HELZ: variants seen among roughly 807,000 people sequenced by gnomAD.
HELZ encodes ATP-dependent RNA helicase with zinc finger domain.
In HELZ, 23 loss-of-function variants were observed where a neutral mutation model predicts 218.2. The observed-to-expected ratio is 0.11, with a 90% CI of 0.08 to 0.15. HELZ has a LOEUF of 0.15. HELZ is among the 10% of genes least tolerant of loss of function. The pLI is 1.00. For synonymous variants in HELZ, 814 were observed against 829.4 expected (o/e 0.98, Z 0.32); for missense variants, 1,813 against 2,353.7 (o/e 0.77, Z 4.75).
intron 31 of HELZ, 92 bp from the exon 32 acceptor site, chr17:67,087,173 AG>A: frequency 8.2e-7 from 1 of 1,218,916 alleles, no homozygotes; most frequent in South Asian, 1.4e-5. Context: ...CACTATATAA[AG>A]TAAAAATTGT....
chr17:67,127,478 A>G (rs1471073826), intron 24 of HELZ, among the ~76,000 whole-genome samples: 1 of 152,240 alleles, frequency 6.6e-6, no homozygotes, highest in African/African-American at 2.4e-5. Flanking sequence ...CACAGAGAAT[A>G]GTTCTCAGCT....
chr17:67,104,571 T>C lies in HELZ; in HGVS notation c.5241+2598A>G, dbSNP rs191145787. 1.8e-4 allele frequency among the ~76,000 whole-genome samples: 27 copies of C among 152,134 alleles called. No homozygotes were observed. The East Asian group carries it at 3.7e-3, about 21-fold the overall frequency. On this transcript the variant is annotated intron_variant, in intron 31 of 32. Transcript: ENST00000358691. ...AGAAAAAAATAGATAAATTGTAGTTTAGCATCAAAGGACACTATCAAGAAA... is the reference window on the plus strand; with the variant it reads ...AGAAAAAAATAGATAAATTGTAGTTCAGCATCAAAGGACACTATCAAGAAA...
rs1045359215 is a variant in HELZ, at chr17:67,170,769, A to G, written c.1431-2973T>C. 1.5e-4 allele frequency among the ~76,000 whole-genome samples: 22 copies of G among 150,970 alleles called. No individual in the cohort carries two copies. In the East Asian group the frequency reaches 4.3e-3, roughly 30 times the overall value. On this transcript the variant is annotated intron_variant, in intron 13 of 32. Coordinates refer to ENST00000358691, the MANE Select transcript of HELZ (RefSeq NM_014877.4). The stretch of plus-strand genomic sequence containing the variant: ...TTAAACCCAGGAGGTAGAGGCTGCA[A>G]TGACCTGAGATAGCGACACCGCACT...
At position 67,076,466 on chromosome 17, in the gene HELZ, C is replaced by A. The variant is rs1264543079; in HGVS notation, c.*1786G>T. 6.6e-6 allele frequency: 1 copy of A among 152,228 alleles called. No individual in the cohort carries two copies. The highest frequency in any genetic ancestry group is 1.5e-5 in the Non-Finnish European group (1 of 68,054). The allele number at this position is 152,228 out of a possible 1,614,324, so 9.4% of individuals were successfully genotyped here. A position where few individuals can be genotyped will look rare whatever the true frequency, so the allele number is the denominator to read the frequency against. On this transcript the variant is annotated 3_prime_UTR_variant, in exon 33 of 33. Transcript: ENST00000358691. ...TAACCATTAACACGTCTGCAGTTTACAAGTCTATGTCTGCCACCTTACACA... is the reference window on the plus strand; with the variant it reads ...TAACCATTAACACGTCTGCAGTTTAAAAGTCTATGTCTGCCACCTTACACA...
upstream of HELZ, chr17:67,245,542 C>T: frequency 2.0e-6 from 2 of 982,310 alleles, no homozygotes; most frequent in Non-Finnish European, 2.4e-6. Flanking sequence ...GCCCGCGGCG[C>T]GGCGCGGAGC....
chr17:67,119,963 A>G (rs1205054704), intron 27 of HELZ: 1 of 371,704 alleles, frequency 2.7e-6, no homozygotes, highest in African/African-American at 2.4e-5. Context: ...GAGAGGATCC[A>G]TAGTTTATAT....
At position 67,228,441 on chromosome 17, in the gene HELZ, T is replaced by G. The variant is rs564105821; in HGVS notation, c.-18-9619A>C. 2.0e-5 allele frequency among the ~76,000 whole-genome samples: 3 copies of G among 152,198 alleles called. No homozygotes were observed. The East Asian group carries it at 5.8e-4, about 29-fold the overall frequency. On this transcript the variant is annotated intron_variant, in intron 3 of 32. Coordinates refer to ENST00000358691, the MANE Select transcript of HELZ (RefSeq NM_014877.4). ...ACTTTGGGAGGCCCAGGCCAGCAGA[T>G]TGCTGAGCTTAGGAGTTCGAGACCA...
chr17:67,142,090 G>A (rs541720591), intron 21 of HELZ, among the ~76,000 whole-genome samples: 1 of 151,698 alleles, frequency 6.6e-6, no homozygotes, highest in Non-Finnish European at 1.5e-5. Context: ...TGTGACACTA[G>A]AAAATATGCA....
intron 17 of HELZ, among the ~76,000 whole-genome samples, chr17:67,157,078 C>T (rs905371026): frequency 6.6e-6 from 1 of 152,198 alleles, no homozygotes. Flanking sequence ...TGACATCCTG[C>T]TCCCCCTTCG....
rs540333615 is a variant in HELZ, at chr17:67,114,489, GAATACTTTA to G, written c.3839-95_3839-87del. On this transcript the variant is annotated intron_variant, in intron 27 of 32. Transcript: ENST00000358691. ...TTATCCAATATTAGAGAAAGAGGCA[GAATACTTTA>G]AACACTTTTCACCCATTATGATCAG... 1,394 of 803,660 alleles carry G rather than the reference GAATACTTTA, an allele frequency of 1.7e-3. 3 individuals carry two copies. Among genetic ancestry groups the G allele is most frequent in the South Asian group, 3.0e-3 (202 of 68,298 alleles). The allele number at this position is 803,660 out of a possible 1,614,324, so 49.8% of individuals were successfully genotyped here.
intron 2 of HELZ, among the ~76,000 whole-genome samples, chr17:67,240,841 G>A (rs1331892757): frequency 6.6e-6 from 1 of 152,208 alleles, no homozygotes; most frequent in East Asian, 1.9e-4. Context: ...TGGTATGACT[G>A]TTGGTATTAG....
intron 7 of HELZ, among the ~76,000 whole-genome samples, chr17:67,196,116 T>C (rs186452369): frequency 3.9e-3 from 596 of 152,166 alleles, no homozygotes; most frequent in Middle Eastern, 6.8e-3. Context: ...CCTCCTAAAG[T>C]GCTAGAATTA....
At position 67,209,597 on chromosome 17, in the gene HELZ, CAAAAACAAAA is replaced by C. The variant is rs1423763830; in HGVS notation, c.248-6164_248-6155del. ...TAGGCAACAGAGCGAGACTCTGTCT[CAAAAACAAAA>C]CAAAACAAAACAAAGCTGAAGTATA... On this transcript the variant is annotated intron_variant, in intron 5 of 32. Coordinates refer to ENST00000358691, the MANE Select transcript of HELZ (RefSeq NM_014877.4). Among the ~76,000 whole-genome samples the C allele has an allele frequency of 3.3e-5, 5 of 152,212 alleles. No homozygotes were observed. In the East Asian group the frequency reaches 7.7e-4, roughly 24 times the overall value.
chr17:67,140,896 T>C (rs1174321054), intron 21 of HELZ, among the ~76,000 whole-genome samples: 3 of 151,940 alleles, frequency 2.0e-5, no homozygotes, highest in Admixed American at 6.6e-5. Context: ...ACAGAAACAA[T>C]AGAGGCCAGA....
chr17:67,216,457 C>A (rs548441464), intron 4 of HELZ, among the ~76,000 whole-genome samples: 1 of 152,188 alleles, frequency 6.6e-6, no homozygotes, highest in African/African-American at 2.4e-5. Context: ...CATTTCTATA[C>A]AGAAATACAG....
chr17:67,222,379 A>C (rs2040770098), intron 3 of HELZ, among the ~76,000 whole-genome samples: 2 of 152,224 alleles, frequency 1.3e-5, no homozygotes, highest in African/African-American at 4.8e-5. Flanking sequence ...CACAAAGATT[A>C]ATATCAACAA....
chr17:67,168,848 A>G (rs1032113844), intron 13 of HELZ, among the ~76,000 whole-genome samples: 1 of 152,074 alleles, frequency 6.6e-6, no homozygotes, highest in Non-Finnish European at 1.5e-5. Context: ...TCCTAGCACT[A>G]TGGGAGGCTA....
At chr17:67,221,660 A>G (rs902195898) in intron 3 of HELZ, among the ~76,000 whole-genome samples, 4 of 152,172 alleles carry the variant, frequency 2.6e-5, no homozygotes, top group African/African-American at 9.6e-5. Context: ...CTAAACTGGG[A>G]AGACAACTAA....
chr17:67,245,485 GGCAGACGCCCCGCGTCT>G (rs1451849371), upstream of HELZ: 5 of 985,758 alleles, frequency 5.1e-6, no homozygotes, highest in East Asian at 1.1e-4. Flanking sequence ...TTCCTGCCCG[GGCAGACGCCCCGCGTCT>G]GCATTGAATC....
Sources: gnomAD v4.1 joint callset for allele counts (sites outside exome capture counted in the v4.1 genomes callset) on GRCh38, gnomAD v4.1.1 for gene constraint, MANE v1.5 for transcripts, NCBI Gene and HGNC (gene_info 2026-07-23, HGNC 2026-07-21) for gene names.